Variants in IRAK2 observed in about 807,000 individuals in gnomAD.
IRAK2 encodes interleukin-1 receptor-associated kinase-like 2.
In IRAK2, 57 loss-of-function variants were observed where a neutral mutation model predicts 72.0. The ratio of observed to expected loss-of-function variants is 0.79; its 90% CI spans 0.64 to 0.99. The LOEUF (loss-of-function observed/expected upper bound fraction) is 0.99, where lower values mean the gene tolerates loss of function less well. Among genes scored for constraint, IRAK2 ranks in the 50% least tolerant of loss-of-function variants. The pLI, the probability that IRAK2 is intolerant of heterozygous loss-of-function variation, is 0.00. For missense variants in IRAK2, 790 were observed against 794.4 expected, an observed-to-expected ratio of 0.99 and a Z score of 0.07; for synonymous variants, 293 against 312.7, an observed-to-expected ratio of 0.94 and a Z score of 0.67.
At chr3:10,173,421 C>T (rs550830320) in intron 1 of IRAK2, among the ~76,000 whole-genome samples, 1 of 152,284 alleles carries the variant, frequency 6.6e-6, no homozygotes, top group Non-Finnish European at 1.5e-5. Context: ...AAATATTCTA[C>T]GATGACCAGC....
chr3:10,239,195 C>T (rs562800515), intron 12 of IRAK2, among the ~76,000 whole-genome samples, 156 bp downstream of exon 12: 73 of 152,340 alleles, frequency 4.8e-4, no homozygotes, highest in African/African-American at 1.6e-3. Flanking sequence ...TGGGAGGCAT[C>T]CTTGACACCT....
intron 1 of IRAK2, among the ~76,000 whole-genome samples, chr3:10,167,515 T>G (rs181860579): frequency 1.3e-5 from 2 of 151,886 alleles, no homozygotes; most frequent in Non-Finnish European, 2.9e-5. Flanking sequence ...CCTGGGTTCA[T>G]GCCATTCTCC....
At chr3:10,167,864 G>C (rs1696721538) in intron 1 of IRAK2, among the ~76,000 whole-genome samples, 1 of 152,166 alleles carries the variant, frequency 6.6e-6, no homozygotes, top group Non-Finnish European at 1.5e-5. Context: ...TTGTGCAGTG[G>C]TGCAAATGTA....
intron 1 of IRAK2, among the ~76,000 whole-genome samples, chr3:10,167,199 C>T (rs956041153): frequency 2.0e-5 from 3 of 152,104 alleles, no homozygotes; most frequent in African/African-American, 7.2e-5. Context: ...GCTGTGTATC[C>T]ATCTTCACAA....
At chr3:10,232,269 T>C (rs980926739) in intron 10 of IRAK2, among the ~76,000 whole-genome samples, 5 of 152,242 alleles carry the variant, frequency 3.3e-5, no homozygotes, top group African/African-American at 1.2e-4. Context: ...GTTTTGCTCA[T>C]TACATCCTGT....
intron 3 of IRAK2, among the ~76,000 whole-genome samples, chr3:10,207,808 C>G (rs148306519): frequency 5.9e-5 from 9 of 152,176 alleles, no homozygotes; most frequent in African/African-American, 1.7e-4. Flanking sequence ...GCCTGGCCAA[C>G]ATGGTGAAAC....
intron 1 of IRAK2, among the ~76,000 whole-genome samples, chr3:10,166,121 A>G (rs1223568028): frequency 6.6e-6 from 1 of 152,182 alleles, no homozygotes; most frequent in Non-Finnish European, 1.5e-5. Context: ...CCTATTTATC[A>G]TATTTGTGAT....
intron 3 of IRAK2, among the ~76,000 whole-genome samples, chr3:10,201,270 G>C (rs1388636589): frequency 6.6e-6 from 1 of 152,232 alleles, no homozygotes; most frequent in African/African-American, 2.4e-5. Flanking sequence ...CCTGGCTGAG[G>C]TCATGTACTG....
intron 1 of IRAK2, 46 bp downstream of exon 1, chr3:10,165,094 C>T (rs747938054): frequency 2.6e-6 from 4 of 1,519,596 alleles, no homozygotes; most frequent in Non-Finnish European, 3.6e-6. Flanking sequence ...GACCGGAGCC[C>T]CCAGCGATCC....
intron 6 of IRAK2, among the ~76,000 whole-genome samples, chr3:10,214,417 G>A (rs1229185564): frequency 8.3e-6 from 1 of 121,186 alleles, no homozygotes; most frequent in African/African-American, 3.2e-5. Flanking sequence ...TTTTTGTAGA[G>A]ATAGGGTCTT....
chr3:10,200,377 G>A lies in IRAK2; in HGVS notation c.286G>A (p.Ala96Thr). ...TTCCACCTTGTTTTCAGGGAAACCG[G>A]CTCCTGAAATCAGGTGTCCCATTCC... ...AAQIILNWKP[A>T]PEIRCPIPAF... The change falls in exon 3 of 13, where the codon GCT becomes ACT. Residue 96 changes from alanine to threonine, a missense_variant. Ala to Thr is a moderately conservative substitution (Grantham distance 58, BLOSUM62 0). Coordinates refer to ENST00000256458, the MANE Select transcript of IRAK2 (RefSeq NM_001570.4). 8.8e-6 allele frequency: 14 copies of A among 1,582,392 alleles called. No individual in the cohort carries two copies. The highest frequency in any genetic ancestry group is 1.2e-5 in the Non-Finnish European group (14 of 1,161,032).
chr3:10,192,816 G>T (rs1431987122), intron 2 of IRAK2, among the ~76,000 whole-genome samples: 2 of 152,234 alleles, frequency 1.3e-5, no homozygotes, highest in African/African-American at 4.8e-5. Context: ...CTACTCGGGA[G>T]GGTGAGGTAG....
chr3:10,215,929 G>A (rs1192641963), intron 6 of IRAK2, among the ~76,000 whole-genome samples: 2 of 152,156 alleles, frequency 1.3e-5, no homozygotes, highest in African/African-American at 2.4e-5. Flanking sequence ...GGGAGTGTAC[G>A]CCAGAAGCAT....
At chr3:10,167,670 T>C (rs576679837) in intron 1 of IRAK2, among the ~76,000 whole-genome samples, 2 of 152,072 alleles carry the variant, frequency 1.3e-5, no homozygotes, top group African/African-American at 4.8e-5. Flanking sequence ...CTACCTCGGC[T>C]TCCCAAAGTG....
intron 2 of IRAK2, 63 bp downstream of exon 2, chr3:10,178,083 G>A: frequency 7.5e-7 from 1 of 1,327,688 alleles, no homozygotes; most frequent in South Asian, 1.4e-5. Context: ...TTCCATCCGT[G>A]TGAGTTGCAC....
At chr3:10,165,244 A>T (rs1177157912) in intron 1 of IRAK2, among the ~76,000 whole-genome samples, 196 bp downstream of exon 1, 2 of 152,110 alleles carry the variant, frequency 1.3e-5, no homozygotes, top group African/African-American at 2.4e-5. Context: ...GTCTCTGAGG[A>T]CGTCTGTCGA....
intron 2 of IRAK2, 48 bp from the exon 3 acceptor site, chr3:10,200,321 A>C (rs1697336852): frequency 6.6e-7 from 1 of 1,505,936 alleles, no homozygotes; most frequent in Admixed American, 2.1e-5. Flanking sequence ...CTCAATGGCT[A>C]CCCCACTTCA....
rs758446437 is a variant in IRAK2 at position 10,226,503 on chromosome 3, C to T, written c.1272+70C>T. 315 of 1,257,524 alleles carry T rather than the reference C, an allele frequency of 2.5e-4. 1 individual carries two copies. The highest frequency in any genetic ancestry group is 3.5e-4 in the Non-Finnish European group (304 of 872,742). The allele number at this position is 1,257,524 out of a possible 1,614,324, so 77.9% of individuals were successfully genotyped here. A position where few individuals can be genotyped will look rare whatever the true frequency, so the allele number is the denominator to read the frequency against. ...CACAGCTCTGTAGAGAGGGCAACGA[C>T]CTCAATTCTAGCTAGTTTTACACAT... is the stretch of plus-strand genomic sequence containing the variant. On this transcript the variant is annotated intron_variant, in intron 10 of 12. Transcript: ENST00000256458.
intron 3 of IRAK2, among the ~76,000 whole-genome samples, chr3:10,202,398 T>TCCCC (rs1390126967): frequency 6.6e-6 from 1 of 151,586 alleles, no homozygotes; most frequent in African/African-American, 2.4e-5. Context: ...CTGAGGCGGG[T>TCCCC]GGATCACGAG....
Sources: gnomAD v4.1 joint callset for allele counts (sites outside exome capture counted in the v4.1 genomes callset) on GRCh38, gnomAD v4.1.1 for gene constraint, MANE v1.5 for transcripts, NCBI Gene and HGNC (gene_info 2026-07-23, HGNC 2026-07-21) for gene names.